The following TENM3 variants were observed in gnomAD, a reference collection of about 807,000 sequenced individuals.
TENM3 encodes the protein teneurin-3.
A neutral mutation model predicts 255.1 loss-of-function variants in TENM3; 63 were observed. The observed-to-expected ratio is 0.25, with a 90% CI of 0.20 to 0.30. The LOEUF (loss-of-function observed/expected upper bound fraction) is 0.30. TENM3 is among the 10% of genes least tolerant of loss of function. TENM3 has a pLI of 1.00. For synonymous variants in TENM3, 1,306 were observed against 1,322.3 expected, an observed-to-expected ratio of 0.99 and a Z score of 0.27; for missense variants, 2,929 against 3,461.1, an observed-to-expected ratio of 0.85 and a Z score of 3.86.
intron 1 of TENM3, among the ~76,000 whole-genome samples, chr4:182,158,446 C>A (rs1474267894): frequency 6.6e-6 from 1 of 152,106 alleles, no homozygotes; most frequent in Non-Finnish European, 1.5e-5. Context: ...GAGGCTGCCT[C>A]ATGGAGAAAT....
chr4:182,179,217 T>C (rs1157667576), intron 1 of TENM3, among the ~76,000 whole-genome samples: 2 of 152,208 alleles, frequency 1.3e-5, no homozygotes, highest in African/African-American at 4.8e-5. Context: ...TGGGATTGTC[T>C]CCAGCCTGCT....
chr4:181,657,792 G>T, the TENM3 span, among the ~76,000 whole-genome samples: 2 of 88,430 alleles, frequency 2.3e-5, no homozygotes, highest in African/African-American at 8.9e-5. Context: ...GGAATACTAT[G>T]CAACTATATA....
At position 182,361,458 on chromosome 4, in the gene TENM3, A is replaced by T. The variant is rs561687611; in HGVS notation, c.511+14529A>T. Among the ~76,000 whole-genome samples, 117 of 151,880 alleles carry T rather than the reference A, an allele frequency of 7.7e-4. 1 individual carries two copies. The highest frequency in any genetic ancestry group is 2.8e-3 in the African/African-American group (114 of 41,390). On this transcript the variant is annotated intron_variant, in intron 3 of 27. Transcript: ENST00000511685. ...TTCTCTAAACTTCCCTTCTTGCTTC[A>T]TTTCATTCATTTCATCTTCTATCCC...
the TENM3 span, among the ~76,000 whole-genome samples, chr4:182,127,329 G>T: frequency 1.3e-5 from 2 of 152,078 alleles, no homozygotes; most frequent in African/African-American, 4.8e-5. Context: ...TATCAGCAGC[G>T]CCTGTCCTAG....
chr4:182,052,762 A>C, the TENM3 span, among the ~76,000 whole-genome samples: 67 of 152,224 alleles, frequency 4.4e-4, no homozygotes, highest in Non-Finnish European at 7.9e-4. Flanking sequence ...TATTGCCAGG[A>C]GTGCATTGGG....
the TENM3 span, among the ~76,000 whole-genome samples, chr4:182,092,663 A>G: frequency 0.16 from 24,069 of 152,228 alleles, 1,918 homozygotes; most frequent in Middle Eastern, 0.28. Flanking sequence ...AAAAATAAAC[A>G]TAAATCTATA....
the TENM3 span, among the ~76,000 whole-genome samples, chr4:181,592,468 G>A: frequency 1.3e-5 from 2 of 151,620 alleles, no homozygotes; most frequent in South Asian, 2.1e-4. Flanking sequence ...GACCGGTCGC[G>A]AAGCCCATGA....
In TENM3 at chr4:182,257,729, G is replaced by A. The variant is rs149929627; in HGVS notation, c.-76+14253G>A. Among the ~76,000 whole-genome samples, 82 of 152,134 alleles carry A rather than the reference G, an allele frequency of 5.4e-4. 2 individuals are homozygous for A. The South Asian group carries it at 0.01, about 19-fold the overall frequency. On this transcript the variant is annotated intron_variant, in intron 1 of 27. Coordinates refer to ENST00000511685, the MANE Select transcript of TENM3 (RefSeq NM_001080477.4). ...TATGTAAGAGCAGCCCTTTGAGATG[G>A]GTATTACCACCCTCATTTTACTGAA...
the TENM3 span, among the ~76,000 whole-genome samples, chr4:181,667,518 C>T: frequency 2.6e-5 from 4 of 152,198 alleles, no homozygotes; most frequent in East Asian, 1.9e-4. Context: ...AAGCCTCTGC[C>T]CTCAAGTTGG....
chr4:181,581,959 C>T, the TENM3 span, among the ~76,000 whole-genome samples: 1 of 152,076 alleles, frequency 6.6e-6, no homozygotes, highest in Non-Finnish European at 1.5e-5. Flanking sequence ...TCTTGAATTC[C>T]CAACCTCAGG....
the TENM3 span, among the ~76,000 whole-genome samples, chr4:181,458,336 T>G: frequency 6.6e-6 from 1 of 151,972 alleles, no homozygotes; most frequent in Non-Finnish European, 1.5e-5. Flanking sequence ...TGAATCAGTG[T>G]AGATATTTTA....
intron 1 of TENM3, among the ~76,000 whole-genome samples, chr4:182,163,376 C>T (rs1329765925): frequency 2.6e-5 from 4 of 152,222 alleles, no homozygotes; most frequent in Non-Finnish European, 5.9e-5. Flanking sequence ...GGCCAGGCCC[C>T]TTCCAGCCCC....
chr4:182,546,075 A>G (rs945172538), intron 3 of TENM3, among the ~76,000 whole-genome samples: 1 of 152,156 alleles, frequency 6.6e-6, no homozygotes, highest in Non-Finnish European at 1.5e-5. Flanking sequence ...GGAAGAGAAA[A>G]TATTCTTACT....
chr4:181,629,647 T>G, the TENM3 span, among the ~76,000 whole-genome samples: 2 of 152,200 alleles, frequency 1.3e-5, no homozygotes, highest in Non-Finnish European at 2.9e-5. Context: ...TTTATTGATT[T>G]GCATATGTTG....
the TENM3 span, among the ~76,000 whole-genome samples, chr4:181,667,447 A>C: frequency 6.6e-6 from 1 of 152,154 alleles, no homozygotes; most frequent in Non-Finnish European, 1.5e-5. Flanking sequence ...CATGTGTTGG[A>C]GACTTAATCC....
chr4:181,919,009 AT>A, the TENM3 span, among the ~76,000 whole-genome samples: 1 of 152,192 alleles, frequency 6.6e-6, no homozygotes, highest in African/African-American at 2.4e-5. Context: ...ACTCCCCAAA[AT>A]AAAACAAAAC....
At chr4:182,797,407 C>G (rs1263589613) in intron 27 of TENM3, among the ~76,000 whole-genome samples, 1 of 151,406 alleles carries the variant, frequency 6.6e-6, no homozygotes, top group Non-Finnish European at 1.5e-5. Context: ...CCATTGTACT[C>G]CAGCCTGAGC....
At chr4:181,879,304 G>A in the TENM3 span, among the ~76,000 whole-genome samples, 1 of 152,130 alleles carries the variant, frequency 6.6e-6, no homozygotes, top group East Asian at 1.9e-4. Flanking sequence ...AAAGTAGAGA[G>A]AGGGAGGGAG....
chr4:181,674,299 A>G, the TENM3 span, among the ~76,000 whole-genome samples: 1 of 152,112 alleles, frequency 6.6e-6, no homozygotes, highest in African/African-American at 2.4e-5. Context: ...CACCCAGCCT[A>G]GTGAATTTCT....
Sources: gnomAD v4.1 joint callset for allele counts (sites outside exome capture counted in the v4.1 genomes callset) on GRCh38, gnomAD v4.1.1 for gene constraint, MANE v1.5 for transcripts, NCBI Gene and HGNC (gene_info 2026-07-23, HGNC 2026-07-21) for gene names.